TULP4: variants seen among roughly 807,000 people sequenced by gnomAD.
The protein encoded by TULP4 is TUB like protein 4.
A neutral mutation model predicts 129.0 loss-of-function variants in TULP4; 16 were observed. The observed-to-expected ratio is 0.12, with a 90% confidence interval of 0.08 to 0.19. TULP4 has a LOEUF of 0.19. TULP4 is among the 10% of genes least tolerant of loss of function. TULP4 has a pLI of 1.00. For missense variants in TULP4, 1,842 were observed against 2,059.1 expected (o/e 0.89, Z 2.04); for synonymous variants, 998 against 854.0 (o/e 1.17, Z -2.94).
chr6:158,344,645 TG>T (rs1780260856), intron 1 of TULP4, among the ~76,000 whole-genome samples: 1 of 152,196 alleles, frequency 6.6e-6, no homozygotes, highest in Non-Finnish European at 1.5e-5. Context: ...GTGTTATGAC[TG>T]TTCCACCGGC....
rs1458447752 is a variant in TULP4, at chr6:158,239,564, C to T, written n.68+7261C>T. Among the ~76,000 whole-genome samples the T allele has an allele frequency of 1.1e-4, 6 of 55,008 alleles. 2 individuals carry two copies. Among genetic ancestry groups the T allele is most frequent in the African/African-American group, 1.8e-4 (3 of 16,366 alleles). The allele number at this position is 55,008 out of a possible 152,430, so 36.1% of individuals were successfully genotyped here. A position where few individuals can be genotyped will look rare whatever the true frequency, so the allele number is the denominator to read the frequency against. Reference sequence around the variant, plus strand: ...GCAGAGGCGCCCCTCACCTCCCGGACGGGGCGGCTGGCCGGGCAGGGGGGC... The same window carrying T: ...GCAGAGGCGCCCCTCACCTCCCGGATGGGGCGGCTGGCCGGGCAGGGGGGC... On this transcript the variant is annotated intron_variant and non_coding_transcript_variant, in intron 1 of 1. Transcript: ENST00000620026.
At chr6:158,309,434 A>G (rs952196714), upstream of TULP4, among the ~76,000 whole-genome samples, 13 of 143,460 alleles carry the variant, frequency 9.1e-5, no homozygotes, top group African/African-American at 3.4e-4. Flanking sequence ...GGGGCTCCTC[A>G]CGTCCCAGAC....
chr6:158,314,690 G>A (rs1779448268), intron 1 of TULP4, among the ~76,000 whole-genome samples: 1 of 152,210 alleles, frequency 6.6e-6, no homozygotes, highest in Non-Finnish European at 1.5e-5. Context: ...AAAAATGAAA[G>A]TGGTGCTGCC....
rs1437919978 is a variant in TULP4, at chr6:158,314,118, T to C, written c.102T>C (p.Pro34=). 3 of 1,614,154 alleles carry C rather than the reference T, an allele frequency of 1.9e-6. No individual in the cohort carries two copies. The highest frequency in any genetic ancestry group is 1.7e-5 in the Admixed American group (1 of 60,028). Residue 34 remains proline, a synonymous_variant, in exon 1 of 14, where the codon CCT becomes CCC. Coordinates refer to ENST00000367097, the MANE Select transcript of TULP4 (RefSeq NM_020245.5). ...TCCCCAAGAGTGAGAAGGAGAAGCC[T>C]GTGTGCAGGAGACGCTACTATGAGG... ...GRVPKSEKEK[P]VCRRRYYEEG... is the part of the protein sequence containing the mutation.
Position 158,304,740 on chromosome 6 carries a change from C to T in TULP4, n.117-7311C>T, listed in dbSNP as rs561140439. Reference sequence around the variant, plus strand: ...GAAGTACAGTGGTGTGATCATGGCCCGCTGTAGCCTTGAGTTCCCGGGCTC... The same window carrying T: ...GAAGTACAGTGGTGTGATCATGGCCTGCTGTAGCCTTGAGTTCCCGGGCTC... On this transcript the variant is annotated intron_variant and non_coding_transcript_variant, in intron 1 of 1. Coordinates refer to the TULP4 transcript ENST00000432358. Among the ~76,000 whole-genome samples the T allele has an allele frequency of 1.1e-4, 16 of 151,940 alleles. No homozygotes were observed. In the South Asian group the frequency reaches 1.7e-3, roughly 16 times the overall value.
chr6:158,412,918 G>C lies in TULP4; in HGVS notation c.253-147G>C. On this transcript the variant is annotated intron_variant, in intron 1 of 13. Coordinates refer to ENST00000367097, the MANE Select transcript of TULP4 (RefSeq NM_020245.5). ...GTGGACTCTCGTGTGAGCTCTGTCTGTTCCCTGCCCTGATCCCTGCATTCG... is the reference window on the plus strand; with the variant it reads ...GTGGACTCTCGTGTGAGCTCTGTCTCTTCCCTGCCCTGATCCCTGCATTCG... The C allele has an allele frequency of 7.0e-6, 8 of 1,134,888 alleles. No homozygotes were observed. The South Asian group carries it at 1.3e-4, about 19-fold the overall frequency. The allele number at this position is 1,134,888 out of a possible 1,614,324, so 70.3% of individuals were successfully genotyped here.
chr6:158,302,593 G>A (rs185045491), intron 1 of TULP4, among the ~76,000 whole-genome samples: 243 of 152,246 alleles, frequency 1.6e-3, no homozygotes, highest in Non-Finnish European at 3.8e-4. Context: ...GAGAGCGGCC[G>A]CTGCTCAATC....
intron 1 of TULP4, among the ~76,000 whole-genome samples, chr6:158,241,605 T>C (rs1777914995): frequency 6.6e-6 from 1 of 152,046 alleles, no homozygotes; most frequent in South Asian, 2.1e-4. Flanking sequence ...TGAAATTGTT[T>C]TTTTTTTGAG....
At chr6:158,470,218 A>T (rs1194593222) in intron 6 of TULP4, among the ~76,000 whole-genome samples, 4 of 152,184 alleles carry the variant, frequency 2.6e-5, no homozygotes, top group Non-Finnish European at 5.9e-5. Context: ...ATTCGGAGGG[A>T]TGGGAGTCAG....
chr6:158,460,455 G>GA (rs11385105), intron 5 of TULP4, among the ~76,000 whole-genome samples: 62,491 of 149,978 alleles, frequency 0.42, 14,079 homozygotes, highest in African/African-American at 0.61. Context: ...TCTTGAAGGA[G>GA]AAAAAAAAAA....
upstream of TULP4, among the ~76,000 whole-genome samples, chr6:158,311,321 A>G (rs1779346432): frequency 6.6e-6 from 1 of 152,068 alleles, no homozygotes; most frequent in African/African-American, 2.4e-5. Flanking sequence ...GAGTCTGCTG[A>G]ATTTGAGAAA....
At chr6:158,305,970 A>G (rs1779211437) in intron 1 of TULP4, among the ~76,000 whole-genome samples, 1 of 152,206 alleles carries the variant, frequency 6.6e-6, no homozygotes, top group South Asian at 2.1e-4. Context: ...GAAATGCCCA[A>G]CACCACTCAT....
chr6:158,262,039 T>G (rs530223934), intron 1 of TULP4, among the ~76,000 whole-genome samples: 81 of 152,350 alleles, frequency 5.3e-4, no homozygotes, highest in African/African-American at 1.8e-3. Context: ...CTGGGCATTT[T>G]GCTGCCCCAA....
intron 2 of TULP4, among the ~76,000 whole-genome samples, chr6:158,427,470 C>CTTTTT (rs1251385882): frequency 1.4e-4 from 14 of 100,674 alleles, no homozygotes; most frequent in East Asian, 1.1e-3. Context: ...AATTATCAGA[C>CTTTTT]CTTTTTTTTT....
intron 3 of TULP4, among the ~76,000 whole-genome samples, chr6:158,435,412 G>A (rs557131201): frequency 1.3e-5 from 2 of 152,224 alleles, no homozygotes; most frequent in South Asian, 4.1e-4. Flanking sequence ...CTTGGTTGGC[G>A]TCTTCTGGAC....
intron 8 of TULP4, among the ~76,000 whole-genome samples, chr6:158,486,517 C>T (rs1209101075): frequency 2.6e-5 from 4 of 152,152 alleles, no homozygotes; most frequent in African/African-American, 7.2e-5. Flanking sequence ...CGCGCCACTG[C>T]ACTCCAGCCT....
At chr6:158,279,657 C>T (rs1778713027), upstream of TULP4, among the ~76,000 whole-genome samples, 1 of 152,100 alleles carries the variant, frequency 6.6e-6, no homozygotes, top group African/African-American at 2.4e-5. Flanking sequence ...AAAATGGAGA[C>T]TCTCTCTCTC....
At chr6:158,505,078 T>C (rs1780570364) in intron 13 of TULP4, among the ~76,000 whole-genome samples, 1 of 152,230 alleles carries the variant, frequency 6.6e-6, no homozygotes, top group South Asian at 2.1e-4. Context: ...GTCTGTTTGC[T>C]CATTTGCCTA....
At chr6:158,411,126 GAAA>G (rs79023085) in intron 1 of TULP4, among the ~76,000 whole-genome samples, 6 of 52,166 alleles carry the variant, frequency 1.2e-4, no homozygotes, top group Admixed American at 4.3e-4. Flanking sequence ...AGGTAAAAGT[GAAA>G]AAAAAAAAAA....
Sources: gnomAD v4.1 joint callset for allele counts (sites outside exome capture counted in the v4.1 genomes callset) on GRCh38, gnomAD v4.1.1 for gene constraint, MANE v1.5 for transcripts, NCBI Gene and HGNC (gene_info 2026-07-23, HGNC 2026-07-21) for gene names.